Variants in CNTLN observed in about 807,000 individuals in gnomAD.
CNTLN encodes the protein centlein, centrosomal protein.
CNTLN carries 212 observed loss-of-function variants against 180.0 expected under a neutral mutation model. That is an observed-to-expected ratio of 1.18 (90% CI 1.05 to 1.32). The LOEUF is 1.32. Among genes scored for constraint, CNTLN ranks in the 40% most tolerant of loss-of-function variants. The pLI is 0.00. For missense variants in CNTLN, 2,095 were observed against 1,610.9 expected (o/e 1.30, Z -5.14); for synonymous variants, 722 against 563.1 (o/e 1.28, Z -3.99).
intron 11 of CNTLN, among the ~76,000 whole-genome samples, chr9:17,341,734 A>G (rs1821495399): frequency 6.6e-6 from 1 of 152,238 alleles, no homozygotes; most frequent in South Asian, 2.1e-4. Flanking sequence ...ATGAAAATGT[A>G]AAGGGCATTT....
chr9:17,210,841 C>T (rs1587161374), intron 2 of CNTLN, among the ~76,000 whole-genome samples: 1 of 152,266 alleles, frequency 6.6e-6, no homozygotes, highest in East Asian at 1.9e-4. Flanking sequence ...CTGTTGGCTG[C>T]ATAAATGTCT....
intron 5 of CNTLN, among the ~76,000 whole-genome samples, chr9:17,259,766 G>A (rs960549455): frequency 6.7e-6 from 1 of 149,082 alleles, no homozygotes; most frequent in Admixed American, 6.6e-5. Flanking sequence ...TTTGCGTAGA[G>A]GTGTTTGTAG....
chr9:17,213,230 T>C (rs549151002), intron 2 of CNTLN, among the ~76,000 whole-genome samples: 1 of 152,336 alleles, frequency 6.6e-6, no homozygotes, highest in East Asian at 1.9e-4. Flanking sequence ...GCTTTAAGTG[T>C]GTCCCAGAGA....
chr9:17,252,874 T>G lies in CNTLN; in HGVS notation c.849+16286T>G, dbSNP rs185993387. On this transcript the variant is annotated intron_variant, in intron 5 of 25. Coordinates refer to ENST00000380647, the MANE Select transcript of CNTLN (RefSeq NM_017738.4). ...GTCTTGGAGAGTTTTCTCTATGTTT[T>G]CTTCTAGTATTTTTCTGTTTCCATG... Among the ~76,000 whole-genome samples the G allele has an allele frequency of 2.1e-5, 3 of 142,510 alleles. No homozygotes were observed. The East Asian group carries it at 6.0e-4, about 29-fold the overall frequency. 93.5% of individuals were successfully genotyped at this position (142,510 alleles called of 152,430 possible). A position where few individuals can be genotyped will look rare whatever the true frequency, so the allele number is the denominator to read the frequency against.
intron 2 of CNTLN, among the ~76,000 whole-genome samples, chr9:17,181,910 T>A (rs967250762): frequency 6.6e-5 from 10 of 152,184 alleles, no homozygotes; most frequent in African/African-American, 2.4e-4. Flanking sequence ...GCCTTGTTAT[T>A]GCTGGGCAGA....
chr9:17,464,278 A>C (rs1184569274), intron 20 of CNTLN, among the ~76,000 whole-genome samples: 2 of 151,362 alleles, frequency 1.3e-5, no homozygotes. Context: ...ACATATATGT[A>C]ATTATATAAT....
intron 2 of CNTLN, among the ~76,000 whole-genome samples, chr9:17,216,053 A>G (rs1432415130): frequency 1.3e-5 from 2 of 151,944 alleles, no homozygotes; most frequent in Non-Finnish European, 2.9e-5. Context: ...GGCTGCACCC[A>G]CTGTCCTGCA....
In CNTLN at chr9:17,235,797, G is replaced by C; in HGVS notation, c.669+5G>C. 6.2e-7 allele frequency: 1 copy of C among 1,600,664 alleles called. No homozygotes were observed. Among genetic ancestry groups the C allele is most frequent in the Non-Finnish European group, 8.5e-7 (1 of 1,175,994 alleles). Reference sequence around the variant, plus strand: ...GATAAAAGTCAAGAAATTAAGGTGTGTTGACTTGTACATAGTTTTGTGGGA... The same window carrying C: ...GATAAAAGTCAAGAAATTAAGGTGTCTTGACTTGTACATAGTTTTGTGGGA... On this transcript the variant is annotated splice_donor_5th_base_variant and intron_variant, in intron 4 of 25. Transcript: ENST00000380647.
intron 2 of CNTLN, among the ~76,000 whole-genome samples, chr9:17,150,885 C>T (rs997712426): frequency 3.9e-5 from 6 of 152,060 alleles, no homozygotes; most frequent in African/African-American, 1.4e-4. Flanking sequence ...AAGTTGTATT[C>T]CTAGGTATTT....
chr9:17,253,527 T>C (rs1826283312), intron 5 of CNTLN, among the ~76,000 whole-genome samples: 1 of 151,544 alleles, frequency 6.6e-6, no homozygotes, highest in African/African-American at 2.4e-5. Flanking sequence ...TTTCTGTAGC[T>C]TTTGGAAGTA....
chr9:17,281,989 A>C (rs1828695455), intron 6 of CNTLN, among the ~76,000 whole-genome samples: 1 of 152,250 alleles, frequency 6.6e-6, no homozygotes, highest in Admixed American at 6.5e-5. Context: ...TTTGAGACGA[A>C]GTCTCGCTCT....
At chr9:17,268,667 C>T (rs893704689) in intron 5 of CNTLN, among the ~76,000 whole-genome samples, 1 of 152,182 alleles carries the variant, frequency 6.6e-6, no homozygotes, top group African/African-American at 2.4e-5. Flanking sequence ...GGCAGGCCTC[C>T]TTGAGCTGTG....
At chr9:17,301,311 C>T (rs1014925850) in intron 7 of CNTLN, 4 of 985,136 alleles carry the variant, frequency 4.1e-6, no homozygotes, top group Non-Finnish European at 3.6e-6. Context: ...CACTTTTCTT[C>T]TAGGATTATG....
chr9:17,206,470 A>T (rs1822930604), intron 2 of CNTLN, among the ~76,000 whole-genome samples: 1 of 152,178 alleles, frequency 6.6e-6, no homozygotes, highest in Non-Finnish European at 1.5e-5. Flanking sequence ...ACTGAATGTT[A>T]TGTGATATAC....
chr9:17,161,095 G>C lies in CNTLN; in HGVS notation c.449+17719G>C, dbSNP rs1468676632. ...TTGATCTCTGGAAAAAGTTAAAAAAGTTCTCACTCTCACTAATTCTAAGTA... is the reference window on the plus strand; with the variant it reads ...TTGATCTCTGGAAAAAGTTAAAAAACTTCTCACTCTCACTAATTCTAAGTA... On this transcript the variant is annotated intron_variant, in intron 2 of 25. Coordinates refer to ENST00000380647, the MANE Select transcript of CNTLN (RefSeq NM_017738.4). Among the ~76,000 whole-genome samples the C allele has an allele frequency of 2.0e-5, 3 of 151,968 alleles. No homozygotes were observed. The East Asian group carries it at 5.8e-4, about 29-fold the overall frequency.
intron 7 of CNTLN, chr9:17,299,960 A>G (rs2132813305): frequency 5.0e-6 from 1 of 199,556 alleles, no homozygotes; most frequent in East Asian, 1.9e-4. Context: ...CATGTCCTGT[A>G]AAGTGTGAAA....
At chr9:17,527,289 A>T in the CNTLN span, among the ~76,000 whole-genome samples, 14 of 152,216 alleles carry the variant, frequency 9.2e-5, no homozygotes, top group East Asian at 2.5e-3. Context: ...AAGAAATCCC[A>T]TTGTTCATAC....
intron 2 of CNTLN, among the ~76,000 whole-genome samples, chr9:17,212,799 A>G (rs938617618): frequency 6.6e-6 from 1 of 152,212 alleles, no homozygotes; most frequent in Non-Finnish European, 1.5e-5. Flanking sequence ...GTATGTGTCC[A>G]GGAATTTATC....
chr9:17,236,417 G>A lies in CNTLN; in HGVS notation c.678G>A (p.Lys226=), dbSNP rs756546991. Residue 226 remains lysine (K), a synonymous_variant, in exon 5 of 26, where the codon AAG becomes AAA. Transcript: ENST00000380647. ...GTGGTACTGTTCTACAGGACACTAA[G>A]GAGTGTGTACAGAACAAAGAAGAGC... The part of the protein sequence containing the change: ...KDKSQEIKDT[K]ECVQNKEEQN... The A allele has an allele frequency of 2.5e-6, 4 of 1,602,834 alleles. No individual in the cohort carries two copies. Among genetic ancestry groups the A allele is most frequent in the East Asian group, 4.5e-5 (2 of 44,624 alleles).
Sources: gnomAD v4.1 joint callset for allele counts (sites outside exome capture counted in the v4.1 genomes callset) on GRCh38, gnomAD v4.1.1 for gene constraint, MANE v1.5 for transcripts, NCBI Gene and HGNC (gene_info 2026-07-23, HGNC 2026-07-21) for gene names.